Variants in AUTS2 observed in about 807,000 individuals in gnomAD.
AUTS2 encodes the protein activator of transcription and developmental regulator AUTS2.
A neutral mutation model predicts 112.4 loss-of-function variants in AUTS2; 17 were observed. That is an observed-to-expected ratio of 0.15 (90% CI 0.10 to 0.23). AUTS2 has a LOEUF of 0.23. AUTS2 is among the 10% of genes least tolerant of loss of function. The pLI, the probability that AUTS2 is intolerant of heterozygous loss-of-function variation, is 1.00. For synonymous variants in AUTS2, 751 were observed against 702.7 expected, an observed-to-expected ratio of 1.07 and a Z score of -1.09; for missense variants, 1,510 against 1,701.6, an observed-to-expected ratio of 0.89 and a Z score of 1.98.
intron 1 of AUTS2, among the ~76,000 whole-genome samples, chr7:69,742,430 C>A (rs1451220038): frequency 6.6e-6 from 1 of 152,122 alleles, no homozygotes; most frequent in Non-Finnish European, 1.5e-5. Flanking sequence ...GCCCTTAGCA[C>A]TATGCTTGGC....
chr7:69,647,401 AGTGCAGTGCCAT>A (rs1795073906), intron 1 of AUTS2, among the ~76,000 whole-genome samples: 1 of 150,820 alleles, frequency 6.6e-6, no homozygotes, highest in Non-Finnish European at 1.5e-5. Flanking sequence ...CCTAGGCTGG[AGTGCAGTGCCAT>A]GAGCATTGCT....
chr7:70,751,958 C>G (rs1788891659), intron 6 of AUTS2, among the ~76,000 whole-genome samples: 1 of 151,920 alleles, frequency 6.6e-6, no homozygotes, highest in South Asian at 2.1e-4. Context: ...CTCTGGACCT[C>G]AAGTGATCCA....
chr7:69,955,019 T>C (rs1797163381), intron 2 of AUTS2, among the ~76,000 whole-genome samples: 1 of 152,216 alleles, frequency 6.6e-6, no homozygotes, highest in Admixed American at 6.5e-5. Flanking sequence ...CCATGTGAAT[T>C]TTCCTGAATT....
chr7:69,915,930 G>T (rs1236842143), intron 2 of AUTS2, among the ~76,000 whole-genome samples: 1 of 152,142 alleles, frequency 6.6e-6, no homozygotes, highest in African/African-American at 2.4e-5. Context: ...TGGTGCCCAG[G>T]CTGGTCTCGA....
At chr7:70,702,171 CA>C (rs1215239614) in intron 6 of AUTS2, among the ~76,000 whole-genome samples, 1 of 152,240 alleles carries the variant, frequency 6.6e-6, no homozygotes, top group Non-Finnish European at 1.5e-5. Context: ...TGCTCCAGAG[CA>C]GAGCTGCTTG....
chr7:70,328,924 C>T (rs913459352), intron 4 of AUTS2, among the ~76,000 whole-genome samples: 1 of 152,176 alleles, frequency 6.6e-6, no homozygotes, highest in African/African-American at 2.4e-5. Flanking sequence ...ACCCCTTACC[C>T]ATTAAGTAGT....
chr7:70,396,980 A>G (rs1272378432), intron 4 of AUTS2, among the ~76,000 whole-genome samples: 1 of 152,082 alleles, frequency 6.6e-6, no homozygotes, highest in Non-Finnish European at 1.5e-5. Context: ...ACCGTCTTAC[A>G]TTTCCACCAA....
At chr7:70,010,108 A>G (rs541581774) in intron 2 of AUTS2, among the ~76,000 whole-genome samples, 3 of 152,152 alleles carry the variant, frequency 2.0e-5, no homozygotes, top group African/African-American at 4.8e-5. Context: ...AGCCTTGCTT[A>G]TTAAAGTATG....
chr7:69,767,264 C>T (rs1336925796), intron 1 of AUTS2, among the ~76,000 whole-genome samples: 4 of 151,790 alleles, frequency 2.6e-5, no homozygotes, highest in East Asian at 3.9e-4. Context: ...ACTGCAGCCT[C>T]GACCTGCTAG....
intron 4 of AUTS2, among the ~76,000 whole-genome samples, chr7:70,350,180 G>A (rs1381730754): frequency 6.6e-6 from 1 of 152,126 alleles, no homozygotes; most frequent in Non-Finnish European, 1.5e-5. Flanking sequence ...AAGAGTGGAT[G>A]GAGTTAACTA....
intron 2 of AUTS2, among the ~76,000 whole-genome samples, chr7:70,001,000 G>A (rs1799167055): frequency 6.6e-6 from 1 of 152,184 alleles, no homozygotes. Flanking sequence ...CAAAAAGCCT[G>A]GTTGAATTAA....
intron 1 of AUTS2, among the ~76,000 whole-genome samples, chr7:69,861,471 C>G (rs1287454553): frequency 6.6e-6 from 1 of 152,136 alleles, no homozygotes; most frequent in Non-Finnish European, 1.5e-5. Context: ...AAGTAAGCAT[C>G]TTGAGCAGTG....
chr7:70,512,891 G>A (rs556122518), intron 5 of AUTS2, among the ~76,000 whole-genome samples: 7 of 151,698 alleles, frequency 4.6e-5, no homozygotes, highest in South Asian at 4.2e-4. Flanking sequence ...AGTGAAGTGT[G>A]GGGGGGCAGT....
chr7:69,774,277 GTAGTC>G (rs1214308519), intron 1 of AUTS2, among the ~76,000 whole-genome samples: 2 of 152,204 alleles, frequency 1.3e-5, no homozygotes, highest in Non-Finnish European at 2.9e-5. Context: ...GTATGTGCCT[GTAGTC>G]CCAGCTACTC....
chr7:69,645,679 T>G (rs1479156837), intron 1 of AUTS2, among the ~76,000 whole-genome samples: 7 of 152,114 alleles, frequency 4.6e-5, no homozygotes, highest in Admixed American at 3.3e-4. Flanking sequence ...CCCAATCCCC[T>G]CAGTGTTGAA....
At chr7:70,080,636 C>G (rs1280492400) in intron 2 of AUTS2, among the ~76,000 whole-genome samples, 1 of 152,174 alleles carries the variant, frequency 6.6e-6, no homozygotes, top group East Asian at 1.9e-4. Flanking sequence ...TCCCAAGGAG[C>G]TGGTTGTTAA....
intron 1 of AUTS2, among the ~76,000 whole-genome samples, chr7:69,608,317 G>A (rs934197216): frequency 6.6e-6 from 1 of 152,152 alleles, no homozygotes; most frequent in Non-Finnish European, 1.5e-5. Context: ...TTGTGATGAC[G>A]CCTGAGGGAT....
At chr7:70,108,031 ACT>A (rs1804867750) in intron 2 of AUTS2, among the ~76,000 whole-genome samples, 1 of 151,564 alleles carries the variant, frequency 6.6e-6, no homozygotes, top group Non-Finnish European at 1.5e-5. Flanking sequence ...AAAAAGTTTA[ACT>A]CTAGTGTGTG....
chr7:70,116,613 G>T (rs1805369623), intron 2 of AUTS2, among the ~76,000 whole-genome samples: 1 of 152,040 alleles, frequency 6.6e-6, no homozygotes, highest in Non-Finnish European at 1.5e-5. Flanking sequence ...GTTTCTTATT[G>T]TCTCCCCAAA....
Sources: allele counts gnomAD v4.1 joint callset (sites outside exome capture counted in the v4.1 genomes callset), GRCh38; gene constraint gnomAD v4.1.1; transcripts MANE v1.5; gene names NCBI Gene and HGNC (gene_info 2026-07-23, HGNC 2026-07-21).